PPFIA2: variants seen among roughly 807,000 people sequenced by gnomAD.
PPFIA2 encodes PPFI scaffold protein A2.
Under a neutral mutation model 175.5 loss-of-function variants are expected in PPFIA2, and 46 were observed. That is an observed-to-expected ratio of 0.26 (90% CI 0.21 to 0.34). The LOEUF is 0.34. Among genes scored for constraint, PPFIA2 ranks in the 10% least tolerant of loss-of-function variants. The pLI is 1.00. For synonymous variants in PPFIA2, 568 were observed against 511.4 expected, an observed-to-expected ratio of 1.11 and a Z score of -1.49; for missense variants, 1,179 against 1,506.1, an observed-to-expected ratio of 0.78 and a Z score of 3.60.
intron 4 of PPFIA2, among the ~76,000 whole-genome samples, chr12:81,635,802 C>T (rs1050116557): frequency 2.0e-5 from 3 of 151,986 alleles, no homozygotes; most frequent in Non-Finnish European, 2.9e-5. Context: ...TAATTTCTGC[C>T]GAAGTCACAA....
intron 3 of PPFIA2, among the ~76,000 whole-genome samples, chr12:81,743,529 AAAAG>A (rs2082639314): frequency 2.0e-5 from 3 of 151,690 alleles, no homozygotes; most frequent in Non-Finnish European, 4.4e-5. Flanking sequence ...TTTTAAAAAA[AAAAG>A]AGAAATGTAG....
chr12:81,307,733 T>C (rs988494732), intron 22 of PPFIA2, among the ~76,000 whole-genome samples: 8 of 152,124 alleles, frequency 5.3e-5, no homozygotes, highest in Non-Finnish European at 8.8e-5. Context: ...AAAGCCTCCC[T>C]GACTGTCCTC....
At chr12:81,534,951 C>T (rs1208962158) in intron 4 of PPFIA2, among the ~76,000 whole-genome samples, 1 of 151,656 alleles carries the variant, frequency 6.6e-6, no homozygotes, top group African/African-American at 2.4e-5. Context: ...TTTCCTGCTT[C>T]CCCCAGTACA....
At chr12:81,491,524 C>T (rs971625358) in intron 4 of PPFIA2, among the ~76,000 whole-genome samples, 2 of 151,690 alleles carry the variant, frequency 1.3e-5, no homozygotes, top group Non-Finnish European at 2.9e-5. Flanking sequence ...TGAGGTGGGG[C>T]CTTTGGGAGG....
intron 4 of PPFIA2, among the ~76,000 whole-genome samples, chr12:81,523,864 T>A (rs76519247): frequency 1.6e-3 from 247 of 152,332 alleles, no homozygotes; most frequent in African/African-American, 5.8e-3. Context: ...CCATGGTTAA[T>A]GAAACATCAG....
chr12:81,570,214 C>G (rs1228662804), intron 4 of PPFIA2, among the ~76,000 whole-genome samples: 9 of 152,074 alleles, frequency 5.9e-5, no homozygotes, highest in Admixed American at 4.6e-4. Context: ...TTTCACTAAA[C>G]CCAGTGATAA....
intron 22 of PPFIA2, among the ~76,000 whole-genome samples, chr12:81,317,697 T>C (rs1329030240): frequency 6.6e-6 from 1 of 151,678 alleles, no homozygotes; most frequent in Non-Finnish European, 1.5e-5. Flanking sequence ...CCTAGAGTTC[T>C]TTCCTTATCC....
At chr12:81,661,733 A>C (rs906482997) in intron 4 of PPFIA2, among the ~76,000 whole-genome samples, 19 of 152,242 alleles carry the variant, frequency 1.2e-4, no homozygotes, top group South Asian at 2.1e-4. Flanking sequence ...CACCCCAAAT[A>C]AACAGTTTAT....
chr12:81,285,424 A>G (rs2137210856), intron 24 of PPFIA2, among the ~76,000 whole-genome samples: 1 of 152,204 alleles, frequency 6.6e-6, no homozygotes, highest in Non-Finnish European at 1.5e-5. Context: ...TAGTACCATA[A>G]CTTTTCCTGT....
At chr12:81,292,422 A>G (rs2045278885) in intron 24 of PPFIA2, 1 of 152,114 alleles carries the variant, frequency 6.6e-6, no homozygotes, top group South Asian at 2.1e-4. Flanking sequence ...CACTCCTGAG[A>G]CAACATGACC....
At chr12:81,391,087 T>C (rs997524654) in intron 8 of PPFIA2, among the ~76,000 whole-genome samples, 6 of 151,960 alleles carry the variant, frequency 3.9e-5, no homozygotes, top group Non-Finnish European at 1.5e-5. Flanking sequence ...GGCAATTCTA[T>C]CAAGCAAAGA....
chr12:81,630,897 ATATT>A (rs752650757), intron 4 of PPFIA2, among the ~76,000 whole-genome samples: 90 of 75,270 alleles, frequency 1.2e-3, no homozygotes, highest in East Asian at 8.7e-3. Flanking sequence ...ATATATATAT[ATATT>A]TTTTTTTTTT....
chr12:81,516,797 C>T (rs1297059101), intron 4 of PPFIA2, among the ~76,000 whole-genome samples: 1 of 152,082 alleles, frequency 6.6e-6, no homozygotes, highest in Non-Finnish European at 1.5e-5. Context: ...CTTATGGCAG[C>T]CTCAGCCAAC....
At chr12:81,274,476 G>A (rs1252519503) in intron 28 of PPFIA2, among the ~76,000 whole-genome samples, 2 of 151,886 alleles carry the variant, frequency 1.3e-5, no homozygotes, top group Admixed American at 6.6e-5. Flanking sequence ...GACAAATAAA[G>A]CATTAATTCA....
intron 3 of PPFIA2, among the ~76,000 whole-genome samples, chr12:81,731,008 T>C (rs2080826273): frequency 6.6e-6 from 1 of 151,638 alleles, no homozygotes; most frequent in African/African-American, 2.4e-5. Flanking sequence ...AACTGTTACA[T>C]CTCTGTTGCT....
chr12:81,306,887 C>T (rs1379555328), intron 22 of PPFIA2, among the ~76,000 whole-genome samples: 1 of 152,114 alleles, frequency 6.6e-6, no homozygotes, highest in Non-Finnish European at 1.5e-5. Flanking sequence ...AAAGCCCCTT[C>T]AGTCTTTCCT....
rs544160416 is a variant in PPFIA2, at chr12:81,377,449, A to G, written c.985-1507T>C. ...TGCCTGTAATCCCAGCTACTCAGAG[A>G]GGCCGAGGCCTGAGAATCGCTTGAA... On this transcript the variant is annotated intron_variant, in intron 9 of 32. Coordinates refer to ENST00000549396, the MANE Select transcript of PPFIA2 (RefSeq NM_003625.5). Among the ~76,000 whole-genome samples the G allele has an allele frequency of 7.9e-5, 12 of 151,800 alleles. No homozygotes were observed. The East Asian group carries it at 2.3e-3, about 30-fold the overall frequency.
intron 15 of PPFIA2, among the ~76,000 whole-genome samples, chr12:81,360,784 A>C (rs946368027): frequency 7.9e-5 from 10 of 125,978 alleles, no homozygotes; most frequent in Non-Finnish European, 1.5e-4. Flanking sequence ...TTATTATAAT[A>C]AGTTCTGTTT....
chr12:81,316,494 C>T (rs967192253), intron 22 of PPFIA2, among the ~76,000 whole-genome samples: 2 of 151,540 alleles, frequency 1.3e-5, no homozygotes, highest in African/African-American at 2.4e-5. Flanking sequence ...TTCAAGCACA[C>T]ATTTAAATTC....
Sources: allele counts gnomAD v4.1 joint callset (sites outside exome capture counted in the v4.1 genomes callset), GRCh38; gene constraint gnomAD v4.1.1; transcripts MANE v1.5; gene names NCBI Gene and HGNC (gene_info 2026-07-23, HGNC 2026-07-21).